The following ZNF804A variants were observed in gnomAD, a reference collection of about 807,000 sequenced individuals.
The protein encoded by ZNF804A is zinc finger protein 804A.
In ZNF804A, 2 loss-of-function variants were observed where a neutral mutation model predicts 16.5. The observed-to-expected ratio is 0.12, with a 90% CI of 0.05 to 0.38. The LOEUF (loss-of-function observed/expected upper bound fraction) is 0.38, where lower values mean the gene tolerates loss of function less well. Ranked by LOEUF, ZNF804A falls within the 10% of genes least tolerant of loss-of-function variation. The pLI is 0.99. For synonymous variants in ZNF804A, 534 were observed against 489.6 expected (o/e 1.09, Z -1.20); for missense variants, 1,473 against 1,390.7 (o/e 1.06, Z -0.94).
intron 1 of ZNF804A, among the ~76,000 whole-genome samples, chr2:184,680,125 T>A (rs1692512004): frequency 6.6e-6 from 1 of 152,202 alleles, no homozygotes. Context: ...GTGGGTCTCC[T>A]GTCTGCTGAG....
chr2:184,773,826 T>G (rs569815817), intron 1 of ZNF804A, among the ~76,000 whole-genome samples: 11 of 151,854 alleles, frequency 7.2e-5, no homozygotes, highest in Non-Finnish European at 1.5e-4. Flanking sequence ...AAATTATAAA[T>G]GATTAATAGG....
chr2:184,690,665 G>A (rs751451770), intron 1 of ZNF804A, among the ~76,000 whole-genome samples: 1 of 151,968 alleles, frequency 6.6e-6, no homozygotes, highest in African/African-American at 2.4e-5. Flanking sequence ...TTTACTGAAT[G>A]TCACCTTTAT....
intron 1 of ZNF804A, among the ~76,000 whole-genome samples, chr2:184,641,323 C>T (rs1691792533): frequency 6.6e-6 from 1 of 151,992 alleles, no homozygotes; most frequent in Admixed American, 6.6e-5. Flanking sequence ...GGCATGGATC[C>T]CAAAACATTA....
intron 1 of ZNF804A, among the ~76,000 whole-genome samples, chr2:184,780,175 T>TG: frequency 6.6e-6 from 1 of 151,898 alleles, no homozygotes; most frequent in South Asian, 2.1e-4. Flanking sequence ...TCCACACAGG[T>TG]GCCAGGTTTT....
intron 2 of ZNF804A, among the ~76,000 whole-genome samples, chr2:184,890,783 A>C (rs1163055030): frequency 6.6e-6 from 1 of 150,966 alleles, no homozygotes; most frequent in Admixed American, 6.6e-5. Context: ...GTTTGATATA[A>C]TTATTTAAAT....
chr2:184,742,453 A>G (rs1450944785), intron 1 of ZNF804A, among the ~76,000 whole-genome samples: 2 of 152,042 alleles, frequency 1.3e-5, no homozygotes, highest in Non-Finnish European at 2.9e-5. Context: ...AGTATAGGGT[A>G]GGAATGAAAA....
At chr2:184,926,726 G>A (rs184897516) in intron 2 of ZNF804A, among the ~76,000 whole-genome samples, 3 of 151,954 alleles carry the variant, frequency 2.0e-5, no homozygotes, top group Non-Finnish European at 2.9e-5. Context: ...CTCTGACTTC[G>A]TGTTTTTAAA....
chr2:184,814,647 T>A (rs1158484545), intron 1 of ZNF804A, among the ~76,000 whole-genome samples: 1 of 152,086 alleles, frequency 6.6e-6, no homozygotes, highest in Non-Finnish European at 1.5e-5. Context: ...AAGAGCTGCC[T>A]GGGATATAAT....
intron 1 of ZNF804A, among the ~76,000 whole-genome samples, chr2:184,686,731 T>C (rs1438480358): frequency 6.6e-6 from 1 of 152,202 alleles, no homozygotes; most frequent in Non-Finnish European, 1.5e-5. Flanking sequence ...TTAATAATAG[T>C]CATCCTGACG....
At chr2:184,650,853 G>GC (rs1184989650) in intron 1 of ZNF804A, among the ~76,000 whole-genome samples, 1 of 152,022 alleles carries the variant, frequency 6.6e-6, no homozygotes, top group Non-Finnish European at 1.5e-5. Context: ...AATCAGTATT[G>GC]TTAAAAACAC....
At chr2:184,802,265 A>C (rs1694738683) in intron 1 of ZNF804A, among the ~76,000 whole-genome samples, 1 of 152,152 alleles carries the variant, frequency 6.6e-6, no homozygotes, top group Non-Finnish European at 1.5e-5. Flanking sequence ...GAGGGTTGAA[A>C]TTGGGCAAAG....
chr2:184,679,896 C>G (rs1394961839), intron 1 of ZNF804A, among the ~76,000 whole-genome samples: 2 of 152,158 alleles, frequency 1.3e-5, no homozygotes, highest in Admixed American at 1.3e-4. Context: ...GGTGTGAGTT[C>G]CCAGTGAAAC....
intron 1 of ZNF804A, among the ~76,000 whole-genome samples, chr2:184,637,431 T>A (rs1055267560): frequency 6.6e-6 from 1 of 152,198 alleles, no homozygotes. Context: ...TATTTAAGTC[T>A]TTTCCATATT....
chr2:184,809,326 T>A (rs1285145208), intron 1 of ZNF804A, among the ~76,000 whole-genome samples: 1 of 151,752 alleles, frequency 6.6e-6, no homozygotes, highest in African/African-American at 2.4e-5. Flanking sequence ...AAAGAATGAA[T>A]GAGTAGGAGA....
At chr2:184,799,750 G>A (rs574648334) in intron 1 of ZNF804A, among the ~76,000 whole-genome samples, 9 of 151,344 alleles carry the variant, frequency 5.9e-5, no homozygotes, top group African/African-American at 1.5e-4. Flanking sequence ...GCCATGTTGC[G>A]CCAGGCTGGT....
intron 1 of ZNF804A, among the ~76,000 whole-genome samples, chr2:184,635,876 CAAGA>C (rs1691687406): frequency 1.3e-5 from 2 of 151,978 alleles, no homozygotes; most frequent in Admixed American, 1.3e-4. Flanking sequence ...AAGGAAATAC[CAAGA>C]AAGATTGTTA....
intron 1 of ZNF804A, among the ~76,000 whole-genome samples, chr2:184,833,739 G>T (rs552571764): frequency 6.6e-6 from 1 of 151,982 alleles, no homozygotes; most frequent in Non-Finnish European, 1.5e-5. Flanking sequence ...ATATCAGGAG[G>T]CACAAGATGC....
At chr2:184,880,504 G>A (rs1047326111) in intron 2 of ZNF804A, among the ~76,000 whole-genome samples, 1 of 151,892 alleles carries the variant, frequency 6.6e-6, no homozygotes, top group Admixed American at 6.6e-5. Flanking sequence ...TTATAATATA[G>A]GCAAACACAA....
At position 184,853,960 on chromosome 2, in the gene ZNF804A, C is replaced by T. The variant is rs139205474; in HGVS notation, c.112-12409C>T. 1.9e-3 allele frequency among the ~76,000 whole-genome samples: 286 copies of T among 149,822 alleles called. 1 individual carries two copies. Among genetic ancestry groups the T allele is most frequent in the African/African-American group, 6.7e-3 (273 of 40,856 alleles). ...TGAGTTTGAAGTATTTCCTCTTCTTCAACTTTTTGGGAGAGTTTGAGAAGG... is the reference window on the plus strand; with the variant it reads ...TGAGTTTGAAGTATTTCCTCTTCTTTAACTTTTTGGGAGAGTTTGAGAAGG... On this transcript the variant is annotated intron_variant, in intron 1 of 3. Coordinates refer to ENST00000302277, the MANE Select transcript of ZNF804A (RefSeq NM_194250.2).
Sources: gnomAD v4.1 joint callset for allele counts (sites outside exome capture counted in the v4.1 genomes callset) on GRCh38, gnomAD v4.1.1 for gene constraint, MANE v1.5 for transcripts, NCBI Gene and HGNC (gene_info 2026-07-23, HGNC 2026-07-21) for gene names.